ASCC1: variants seen among roughly 807,000 people sequenced by gnomAD.
ASCC1 encodes the protein ASC-1 complex subunit P50.
Under a neutral mutation model 46.6 loss-of-function variants are expected in ASCC1, and 35 were observed. That is an observed-to-expected ratio of 0.75 (90% CI 0.57 to 0.99). ASCC1 has a LOEUF of 0.99. ASCC1 is among the 50% of genes least tolerant of loss of function. The probability of loss-of-function intolerance (pLI) is 0.00; values close to 1 mark genes in which losing one functional copy is unlikely to be tolerated. For missense variants in ASCC1, 376 were observed against 428.7 expected (o/e 0.88, Z 1.09); for synonymous variants, 143 against 146.6 (o/e 0.98, Z 0.18).
chr10:72,140,752 A>G (rs1488323083), intron 7 of ASCC1, among the ~76,000 whole-genome samples: 1 of 152,232 alleles, frequency 6.6e-6, no homozygotes, highest in African/African-American at 2.4e-5. Flanking sequence ...CAATGTAAAA[A>G]GAGGCTTGGC....
At chr10:72,213,475 C>T in intron 1 of ASCC1, 144 bp from the exon 2 acceptor site, 1 of 621,430 alleles carries the variant, frequency 1.6e-6, no homozygotes, top group Non-Finnish European at 3.0e-6. Flanking sequence ...CATTGGATTT[C>T]CCATCTGTAA....
intron 3 of ASCC1, among the ~76,000 whole-genome samples, chr10:72,205,179 A>C (rs184101356): frequency 6.6e-6 from 1 of 152,284 alleles, no homozygotes; most frequent in East Asian, 1.9e-4. Context: ...TCTCTAAAAA[A>C]ATAAAAATAG....
At chr10:72,210,158 C>CTTTTTTTTT (rs766972971) in intron 3 of ASCC1, among the ~76,000 whole-genome samples, 1 of 131,758 alleles carries the variant, frequency 7.6e-6, no homozygotes, top group Admixed American at 7.6e-5. Context: ...AACCTCTTTT[C>CTTTTTTTTT]TTTTTTTTTT....
chr10:72,156,892 A>T (rs899711034), intron 6 of ASCC1, among the ~76,000 whole-genome samples: 10 of 152,194 alleles, frequency 6.6e-5, no homozygotes, highest in African/African-American at 1.9e-4. Flanking sequence ...TAGCCTAGGA[A>T]TCCTAGTAGT....
chr10:72,216,681 A>G, upstream of ASCC1: 1 of 368,928 alleles, frequency 2.7e-6, no homozygotes, highest in Non-Finnish European at 5.3e-6. Flanking sequence ...AGGAATTTAT[A>G]TTCATAAATA....
intron 9 of ASCC1, among the ~76,000 whole-genome samples, chr10:72,110,136 T>C (rs1842768471): frequency 6.6e-6 from 1 of 152,158 alleles, no homozygotes; most frequent in African/African-American, 2.4e-5. Flanking sequence ...GCAGATAAAT[T>C]CTCTCCCTTA....
At chr10:72,201,279 C>T (rs950161343) in intron 4 of ASCC1, among the ~76,000 whole-genome samples, 4 of 152,160 alleles carry the variant, frequency 2.6e-5, no homozygotes, top group Admixed American at 6.6e-5. Context: ...TCCCACAGTG[C>T]TGGAAGTACA....
In ASCC1 at chr10:72,133,058, A is replaced by G. The variant is rs753803060; in HGVS notation, c.870T>C (p.Asn290=). ...VMNTLFRKDP[N]AEGRYNLYTA... is the part of the protein sequence containing the mutation. ...GCTATAGTTCTCTGGGGGACTTACC[A>G]TTGGGGTCTTTCCTGAATAGTGTAT... Residue 290 remains asparagine, a splice_region_variant and synonymous_variant, in exon 8 of 10, where the codon AAT becomes AAC. Transcript: ENST00000672957. 6.2e-7 allele frequency: 1 copy of G among 1,614,106 alleles called. No homozygotes were observed. Among genetic ancestry groups the G allele is most frequent in the East Asian group, 2.2e-5 (1 of 44,876 alleles).
At chr10:72,126,921 C>T (rs960970371) in intron 9 of ASCC1, among the ~76,000 whole-genome samples, 2 of 152,216 alleles carry the variant, frequency 1.3e-5, no homozygotes, top group Non-Finnish European at 2.9e-5. Flanking sequence ...CAGCATAGCT[C>T]TGCAATGCAG....
intron 4 of ASCC1, among the ~76,000 whole-genome samples, chr10:72,201,983 C>G (rs1321847382): frequency 1.3e-5 from 2 of 151,922 alleles, no homozygotes; most frequent in African/African-American, 4.8e-5. Context: ...GGCATGGTGT[C>G]TCATGCCTGT....
chr10:72,132,756 T>G, intron 8 of ASCC1, among the ~76,000 whole-genome samples: 1 of 151,044 alleles, frequency 6.6e-6, no homozygotes, highest in Non-Finnish European at 1.5e-5. Flanking sequence ...CCACCAAGTA[T>G]TGCATGCGAC....
Position 72,154,825 on chromosome 10 carries a change from T to G in ASCC1, c.627-1837A>C, listed in dbSNP as rs567371685. 5.9e-5 allele frequency among the ~76,000 whole-genome samples: 9 copies of G among 152,308 alleles called. No homozygotes were observed. In the South Asian group the frequency reaches 1.9e-3, roughly 32 times the overall value. On this transcript the variant is annotated intron_variant, in intron 6 of 9. Transcript: ENST00000672957. Reference sequence around the variant, plus strand: ...GGGTTTTAAATGAGGCATAAAGTTTTGTTTTGAGTACCAAAAGATTGGCAA... The same window carrying G: ...GGGTTTTAAATGAGGCATAAAGTTTGGTTTTGAGTACCAAAAGATTGGCAA...
intron 9 of ASCC1, among the ~76,000 whole-genome samples, chr10:72,100,516 C>T (rs1218265242): frequency 6.6e-6 from 1 of 151,664 alleles, no homozygotes; most frequent in Non-Finnish European, 1.5e-5. Flanking sequence ...CATGAGCCAC[C>T]ATGCCCAGCC....
At chr10:72,165,273 T>G (rs1397786898) in intron 5 of ASCC1, among the ~76,000 whole-genome samples, 2 of 152,200 alleles carry the variant, frequency 1.3e-5, no homozygotes, top group Non-Finnish European at 2.9e-5. Context: ...TGCGCCACCA[T>G]GCCCGCCTAA....
intron 6 of ASCC1, among the ~76,000 whole-genome samples, chr10:72,161,105 A>C (rs368471933): frequency 1.9e-4 from 29 of 151,822 alleles, no homozygotes; most frequent in East Asian, 3.9e-4. Context: ...AAAAGAAAGT[A>C]AGTCAGTATT....
chr10:72,114,969 A>C (rs879694222), intron 9 of ASCC1, among the ~76,000 whole-genome samples: 1 of 152,204 alleles, frequency 6.6e-6, no homozygotes, highest in Non-Finnish European at 1.5e-5. Context: ...GATTTCACAT[A>C]ATTTTCACAT....
intron 8 of ASCC1, among the ~76,000 whole-genome samples, chr10:72,132,851 A>G (rs558707663): frequency 2.6e-5 from 4 of 152,308 alleles, no homozygotes; most frequent in Admixed American, 1.3e-4. Flanking sequence ...TGGCAATCCT[A>G]TGTGTGACAG....
chr10:72,121,527 A>AAAAG (rs1322982030), intron 9 of ASCC1, among the ~76,000 whole-genome samples: 16 of 133,860 alleles, frequency 1.2e-4, no homozygotes, highest in African/African-American at 6.6e-4. Flanking sequence ...TAAAAAAAAA[A>AAAAG]AAAAGAAAAG....
chr10:72,177,364 A>G (rs181059122), intron 5 of ASCC1, among the ~76,000 whole-genome samples: 2 of 152,278 alleles, frequency 1.3e-5, no homozygotes, highest in Admixed American at 1.3e-4. Flanking sequence ...ACCCTTAAAC[A>G]TGAAAAATCC....
Sources: gnomAD v4.1 joint callset for allele counts (sites outside exome capture counted in the v4.1 genomes callset) on GRCh38, gnomAD v4.1.1 for gene constraint, MANE v1.5 for transcripts, NCBI Gene and HGNC (gene_info 2026-07-23, HGNC 2026-07-21) for gene names.